Variants in IGF2BP2 observed in about 807,000 individuals in gnomAD.
IGF2BP2 encodes the protein insulin like growth factor 2 mRNA binding protein 2.
In IGF2BP2, 17 loss-of-function variants were observed where a neutral mutation model predicts 75.8. The ratio of observed to expected loss-of-function variants is 0.22; its 90% CI spans 0.15 to 0.34. IGF2BP2 has a LOEUF of 0.34. IGF2BP2 is among the 10% of genes least tolerant of loss of function. The probability of loss-of-function intolerance (pLI) is 1.00; values close to 1 mark genes in which losing one functional copy is unlikely to be tolerated. For missense variants in IGF2BP2, 516 were observed against 772.4 expected (o/e 0.67, Z 3.93); for synonymous variants, 288 against 295.6 (o/e 0.97, Z 0.26).
At chr3:185,718,470 G>A (rs1487133203) in intron 2 of IGF2BP2, among the ~76,000 whole-genome samples, 23 of 152,098 alleles carry the variant, frequency 1.5e-4, no homozygotes, top group South Asian at 1.5e-3. Flanking sequence ...GGCAGATCAC[G>A]AGGTCAGGAG....
At chr3:185,675,639 GTATT>G in intron 8 of IGF2BP2, 148 bp downstream of exon 8, 1 of 1,118,014 alleles carries the variant, frequency 8.9e-7, no homozygotes. Flanking sequence ...TACCTGGTAA[GTATT>G]TATGTATTTT....
intron 2 of IGF2BP2, among the ~76,000 whole-genome samples, chr3:185,815,031 GTTTT>G (rs887624319): frequency 1.3e-5 from 2 of 151,454 alleles, no homozygotes; most frequent in African/African-American, 4.9e-5. Context: ...AAAACCTCAA[GTTTT>G]TTTTCAGGAT....
intron 2 of IGF2BP2, among the ~76,000 whole-genome samples, chr3:185,715,389 C>T (rs1725434900): frequency 1.3e-5 from 2 of 152,190 alleles, no homozygotes; most frequent in South Asian, 4.1e-4. Context: ...TTCACCAAGA[C>T]TCAGACACGA....
At chr3:185,786,947 C>G (rs1037554583) in intron 2 of IGF2BP2, among the ~76,000 whole-genome samples, 2 of 152,138 alleles carry the variant, frequency 1.3e-5, no homozygotes, top group Non-Finnish European at 2.9e-5. Context: ...TTTTCACAAC[C>G]TTTCGAAATG....
chr3:185,643,446 G>C lies in IGF2BP2; in HGVS notation c.*2085C>G, dbSNP rs1712978396. Among the ~76,000 whole-genome samples the C allele has an allele frequency of 6.6e-6, 1 of 152,246 alleles. No individual in the cohort carries two copies. On this transcript the variant is annotated 3_prime_UTR_variant, in exon 16 of 16. Coordinates refer to ENST00000382199, the MANE Select transcript of IGF2BP2 (RefSeq NM_006548.6). Reference sequence around the variant, plus strand: ...AATCACCCAGAGGCCTTGCTGAAAAGGTTGCTGGGCCTCACCCCCAGGATT... The same window carrying C: ...AATCACCCAGAGGCCTTGCTGAAAACGTTGCTGGGCCTCACCCCCAGGATT...
At chr3:185,769,850 A>G (rs943790745) in intron 2 of IGF2BP2, among the ~76,000 whole-genome samples, 74 of 151,110 alleles carry the variant, frequency 4.9e-4, no homozygotes, top group African/African-American at 1.0e-3. Flanking sequence ...AAAAAAAAAA[A>G]AAAGAAACAA....
chr3:185,716,559 G>C (rs1208381571), intron 2 of IGF2BP2: 2 of 520,006 alleles, frequency 3.8e-6, no homozygotes, highest in Non-Finnish European at 7.7e-6. Flanking sequence ...AAGACTGCTG[G>C]GCTGGCCACC....
At chr3:185,740,443 T>TA (rs1729395746) in intron 2 of IGF2BP2, among the ~76,000 whole-genome samples, 1 of 152,198 alleles carries the variant, frequency 6.6e-6, no homozygotes, top group Non-Finnish European at 1.5e-5. Flanking sequence ...TCCTTCATAT[T>TA]AAATGTCTAC....
intron 2 of IGF2BP2, among the ~76,000 whole-genome samples, chr3:185,773,551 A>G (rs1051937637): frequency 7.2e-5 from 11 of 152,210 alleles, no homozygotes; most frequent in Admixed American, 5.2e-4. Flanking sequence ...TTAGTTAAAA[A>G]CAGAACAAAA....
intron 3 of IGF2BP2, among the ~76,000 whole-genome samples, chr3:185,697,457 T>C (rs1230609289): frequency 2.0e-5 from 3 of 151,854 alleles, no homozygotes; most frequent in Non-Finnish European, 4.4e-5. Flanking sequence ...AGATAAAACA[T>C]TGTTTCCTTT....
rs552072710 is a variant in IGF2BP2, at chr3:185,765,421, T to G, written c.239+57732A>C. The stretch of plus-strand genomic sequence containing the variant: ...CACCTGTCTCACACCAAGTAGCAGG[T>G]GCGCCTAGAAAGGCAAACACACCAC... On this transcript the variant is annotated intron_variant, in intron 2 of 15. Coordinates refer to ENST00000382199, the MANE Select transcript of IGF2BP2 (RefSeq NM_006548.6). 1.6e-3 allele frequency among the ~76,000 whole-genome samples: 248 copies of G among 152,270 alleles called. 3 individuals carry two copies. The highest frequency in any genetic ancestry group is 3.5e-4 in the Non-Finnish European group (24 of 67,998).
At chr3:185,731,906 C>T (rs926636205) in intron 2 of IGF2BP2, among the ~76,000 whole-genome samples, 3 of 151,828 alleles carry the variant, frequency 2.0e-5, no homozygotes, top group Non-Finnish European at 4.4e-5. Context: ...GGCGTGAATC[C>T]GGGAGGCAGA....
At chr3:185,800,718 A>AAAAAAGAAAGAAAG (rs771868332) in intron 2 of IGF2BP2, among the ~76,000 whole-genome samples, 1,606 of 143,332 alleles carry the variant, frequency 0.011, 39 homozygotes, top group African/African-American at 0.04. Context: ...GAGCCAAAAA[A>AAAAAAGAAAGAAAG]AAAGAAAGAA....
intron 2 of IGF2BP2, among the ~76,000 whole-genome samples, chr3:185,709,618 C>T (rs2149408293): frequency 6.6e-6 from 1 of 152,332 alleles, no homozygotes; most frequent in Non-Finnish European, 1.5e-5. Flanking sequence ...CCAGTTATAA[C>T]AGATGTTGAT....
chr3:185,741,172 C>T (rs573442493), intron 2 of IGF2BP2, among the ~76,000 whole-genome samples: 5 of 152,142 alleles, frequency 3.3e-5, no homozygotes, highest in Admixed American at 2.0e-4. Context: ...TGTGCCCGGC[C>T]GCATATTTCC....
At chr3:185,675,985 C>A in intron 7 of IGF2BP2, 72 bp from the exon 8 acceptor site, 2 of 1,551,018 alleles carry the variant, frequency 1.3e-6, no homozygotes, top group Non-Finnish European at 8.7e-7. Flanking sequence ...CATTACCTTG[C>A]TTTTTTCTTA....
intron 4 of IGF2BP2, among the ~76,000 whole-genome samples, chr3:185,696,248 G>C (rs908641065): frequency 2.6e-5 from 4 of 152,166 alleles, no homozygotes; most frequent in African/African-American, 9.7e-5. Context: ...AGACATTAGG[G>C]ATCTGTTTTT....
At chr3:185,653,584 GC>G (rs2149072787) in intron 12 of IGF2BP2, among the ~76,000 whole-genome samples, 1 of 151,998 alleles carries the variant, frequency 6.6e-6, no homozygotes, top group South Asian at 2.1e-4. Flanking sequence ...TCAAACCACT[GC>G]CTGGGTGACA....
chr3:185,784,872 CTT>C (rs772521565), intron 2 of IGF2BP2, among the ~76,000 whole-genome samples: 6 of 152,238 alleles, frequency 3.9e-5, no homozygotes, highest in African/African-American at 4.8e-5. Context: ...CTAAGACAGT[CTT>C]TGCCTGTGAG....
Sources: gnomAD v4.1 joint callset for allele counts (sites outside exome capture counted in the v4.1 genomes callset) on GRCh38, gnomAD v4.1.1 for gene constraint, MANE v1.5 for transcripts, NCBI Gene and HGNC (gene_info 2026-07-23, HGNC 2026-07-21) for gene names.